NAA40: variants seen among roughly 807,000 people sequenced by gnomAD.
The protein encoded by NAA40 is N-alpha-acetyltransferase 40.
In NAA40, 26 loss-of-function variants were observed where a neutral mutation model predicts 36.6. That is an observed-to-expected ratio of 0.71 (90% CI 0.52 to 0.98). NAA40 has a LOEUF of 0.98. Ranked by LOEUF, NAA40 falls within the 50% of genes least tolerant of loss-of-function variation. NAA40 has a pLI of 0.00. For missense variants in NAA40, 237 were observed against 306.5 expected (o/e 0.77, Z 1.69); for synonymous variants, 129 against 108.4 (o/e 1.19, Z -1.18).
chr11:63,940,425 C>G (rs371148668), intron 1 of NAA40, among the ~76,000 whole-genome samples: 2 of 152,170 alleles, frequency 1.3e-5, no homozygotes, highest in African/African-American at 4.8e-5. Context: ...CACTTCCAGC[C>G]CCGTCTTCGC....
At chr11:63,939,279 G>C in intron 1 of NAA40, 177 bp downstream of exon 1, 1 of 1,284,954 alleles carries the variant, frequency 7.8e-7, no homozygotes, top group Non-Finnish European at 9.9e-7. Context: ...GGCCTAGCCC[G>C]GGAATCCTCT....
intron 3 of NAA40, among the ~76,000 whole-genome samples, chr11:63,948,494 G>A (rs1023823899): frequency 1.3e-5 from 2 of 151,242 alleles, no homozygotes; most frequent in South Asian, 2.1e-4. Context: ...CGAGGTGGGC[G>A]GATCACGAGG....
At chr11:63,949,572 G>A (rs1467440160) in intron 3 of NAA40, among the ~76,000 whole-genome samples, 1 of 152,028 alleles carries the variant, frequency 6.6e-6, no homozygotes, top group Non-Finnish European at 1.5e-5. Flanking sequence ...AGATGCTGTT[G>A]ATGAGTTGTG....
chr11:63,943,856 C>G (rs926701630), intron 1 of NAA40, among the ~76,000 whole-genome samples: 1 of 152,132 alleles, frequency 6.6e-6, no homozygotes, highest in Non-Finnish European at 1.5e-5. Context: ...CAAGCTTTAT[C>G]TCTGTGTTGT....
intron 5 of NAA40, 88 bp from the exon 6 acceptor site, chr11:63,952,668 C>T (rs985029891): frequency 1.3e-6 from 2 of 1,596,412 alleles, no homozygotes; most frequent in Non-Finnish European, 1.7e-6. Flanking sequence ...GGTCTATGAG[C>T]TGCCAAGGAC....
At chr11:63,950,705 G>T (rs908916774) in intron 3 of NAA40, among the ~76,000 whole-genome samples, 1 of 150,792 alleles carries the variant, frequency 6.6e-6, no homozygotes, top group Non-Finnish European at 1.5e-5. Flanking sequence ...CTCATGATCC[G>T]CCCGCCTCGG....
rs773778743 is a variant in NAA40, at chr11:63,954,000, G to A, written c.523G>A (p.Val175Ile). 2.5e-6 allele frequency: 4 copies of A among 1,614,152 alleles called. No individual in the cohort carries two copies. Among genetic ancestry groups the A allele is most frequent in the East Asian group, 4.5e-5 (2 of 44,872 alleles). The stretch of plus-strand genomic sequence containing the variant: ...ACAGATGAAGAAGGTTATGTTAACA[G>A]TATTTAAACACAATCATGGTGCCTA... ...STQMKKVMLT[V>I]FKHNHGAYQF... is the part of the protein sequence containing the mutation. The change falls in exon 7 of 8, where the codon GTA becomes ATA. Residue 175 changes from valine (V) to isoleucine (I), a missense_variant. By Grantham distance (29) the Val-to-Ile change is conservative (BLOSUM62 3). Coordinates refer to ENST00000377793, the MANE Select transcript of NAA40 (RefSeq NM_024771.4).
chr11:63,954,866 C>T lies in NAA40; in HGVS notation c.*387C>T. 1 of 161,906 alleles carries T rather than the reference C, an allele frequency of 6.2e-6. No homozygotes were observed. Among genetic ancestry groups the T allele is most frequent in the East Asian group, 1.8e-4 (1 of 5,662 alleles). The allele number at this position is 161,906 out of a possible 1,614,324, so 10.0% of individuals were successfully genotyped here. ...GGACAAATGGAATGTTTATGTCCAC[C>T]TTTATGAAAGTTCTGGAGTCCTGGG... On this transcript the variant is annotated 3_prime_UTR_variant, in exon 8 of 8. Coordinates refer to ENST00000377793, the MANE Select transcript of NAA40 (RefSeq NM_024771.4).
intron 1 of NAA40, among the ~76,000 whole-genome samples, chr11:63,941,259 T>C (rs1468791604): frequency 6.6e-6 from 1 of 152,192 alleles, no homozygotes; most frequent in Non-Finnish European, 1.5e-5. Flanking sequence ...CAACTGTGGG[T>C]GCTGGGGAAG....
chr11:63,947,871 G>A (rs1371902182), intron 3 of NAA40, among the ~76,000 whole-genome samples: 4 of 151,860 alleles, frequency 2.6e-5, no homozygotes, highest in African/African-American at 9.7e-5. Flanking sequence ...AAAGGCACCC[G>A]CCACCACGTC....
intron 3 of NAA40, 89 bp from the exon 4 acceptor site, chr11:63,952,149 C>A (rs11607028): frequency 0.57 from 568,668 of 1,003,178 alleles, 166,497 homozygotes; most frequent in East Asian, 0.87. Context: ...TGAGACTGGG[C>A]CTTCCTCCCT....
At position 63,952,401 on chromosome 11, in the gene NAA40, C is replaced by T. The variant is rs1289725347; in HGVS notation, c.252-6C>T. ...TTTCCCGTCTGACTGCTCCCAAATT[C>T]CCCAGGTATGAGCAGAGCGAGTGGG... On this transcript the variant is annotated splice_region_variant and splice_polypyrimidine_tract_variant and intron_variant, in intron 4 of 7. Coordinates refer to ENST00000377793, the MANE Select transcript of NAA40 (RefSeq NM_024771.4). 1 of 1,613,810 alleles carries T rather than the reference C, an allele frequency of 6.2e-7. No individual in the cohort carries two copies. Among genetic ancestry groups the T allele is most frequent in the East Asian group, 2.2e-5 (1 of 44,872 alleles).
At chr11:63,954,276 G>C (rs919616307) in intron 7 of NAA40, 62 bp from the exon 8 acceptor site, 53 of 1,531,118 alleles carry the variant, frequency 3.5e-5, no homozygotes, top group Middle Eastern at 4.1e-4. Context: ...AAGAGTTCTC[G>C]GGCCAGGGAG....
At position 63,941,716 on chromosome 11, in the gene NAA40, C is replaced by G. The variant is rs117310961; in HGVS notation, c.6+2614C>G. Among the ~76,000 whole-genome samples, 295 of 152,200 alleles carry G rather than the reference C, an allele frequency of 1.9e-3. 7 individuals are homozygous for G. The East Asian group carries it at 0.048, about 25-fold the overall frequency. The stretch of plus-strand genomic sequence containing the variant: ...TACAGGTATTAACCATCATGCCTGG[C>G]TACTTTTTTCTGTTTTTAGTAGAGA... On this transcript the variant is annotated intron_variant, in intron 1 of 7. Coordinates refer to ENST00000377793, the MANE Select transcript of NAA40 (RefSeq NM_024771.4).
At position 63,954,638 on chromosome 11, in the gene NAA40, C is replaced by A; in HGVS notation, c.*159C>A. ...ACAGAACCCTGGGGAGAAGTGGTAT[C>A]AGCTGCTCCTCCTCTCCTAGGAGAC... is the stretch of plus-strand genomic sequence containing the variant. On this transcript the variant is annotated 3_prime_UTR_variant, in exon 8 of 8. Transcript: ENST00000377793. 1 of 685,218 alleles carries A rather than the reference C, an allele frequency of 1.5e-6. No individual in the cohort carries two copies. The highest frequency in any genetic ancestry group is 2.2e-6 in the Non-Finnish European group (1 of 453,254). 42.4% of individuals were successfully genotyped at this position (685,218 alleles called of 1,614,324 possible).
At chr11:63,939,441 C>T in intron 1 of NAA40, 1 of 1,101,628 alleles carries the variant, frequency 9.1e-7, no homozygotes, top group Non-Finnish European at 1.1e-6. Flanking sequence ...TCACTCATCA[C>T]CTGGCTGTCA....
At chr11:63,939,389 C>A in intron 1 of NAA40, 1 of 1,203,312 alleles carries the variant, frequency 8.3e-7, no homozygotes, top group Non-Finnish European at 1.0e-6. Context: ...CCACCACCGT[C>A]CCCCGCGGGG....
Position 63,955,085 on chromosome 11 carries a change from A to G in NAA40, c.*606A>G, listed in dbSNP as rs376335244. On this transcript the variant is annotated 3_prime_UTR_variant, in exon 8 of 8. Transcript: ENST00000377793. ...TTTTATGGATTCATGGAGTGGGCTC[A>G]TGTTGGGACCAGCTGACTCTGGGAG... The G allele has an allele frequency of 6.5e-5, 10 of 152,696 alleles. No homozygotes were observed. In the East Asian group the frequency reaches 1.2e-3, roughly 18 times the overall value. 9.5% of individuals were successfully genotyped at this position (152,696 alleles called of 1,614,324 possible). A position where few individuals can be genotyped will look rare whatever the true frequency, so the allele number is the denominator to read the frequency against.
chr11:63,946,088 T>C (rs1942181817), intron 2 of NAA40, 153 bp downstream of exon 2: 1 of 666,792 alleles, frequency 1.5e-6, no homozygotes, highest in Non-Finnish European at 2.5e-6. Context: ...AGCTCATACC[T>C]GTGTGTTGGA....
Sources: allele counts gnomAD v4.1 joint callset (sites outside exome capture counted in the v4.1 genomes callset), GRCh38; gene constraint gnomAD v4.1.1; transcripts MANE v1.5; gene names NCBI Gene and HGNC (gene_info 2026-07-23, HGNC 2026-07-21).